HYDIN: variants seen among roughly 807,000 people sequenced by gnomAD.
HYDIN encodes the protein HYDIN axonemal central pair apparatus protein.
Under a neutral mutation model 403.9 loss-of-function variants are expected in HYDIN, and 132 were observed. That is an observed-to-expected ratio of 0.33 (90% confidence interval 0.28 to 0.38). The LOEUF (loss-of-function observed/expected upper bound fraction) is 0.38. Among genes scored for constraint, HYDIN ranks in the 10% least tolerant of loss-of-function variants. The pLI, the probability that HYDIN is intolerant of heterozygous loss-of-function variation, is 1.00. For synonymous variants in HYDIN, 1,202 were observed against 1,891.7 expected, an observed-to-expected ratio of 0.64 and a Z score of 9.46; for missense variants, 2,827 against 5,009.5, an observed-to-expected ratio of 0.56 and a Z score of 13.15.
intron 7 of HYDIN, among the ~76,000 whole-genome samples, chr16:71,139,992 C>CG (rs1447836001): frequency 6.6e-6 from 1 of 151,622 alleles, no homozygotes; most frequent in Non-Finnish European, 1.5e-5. Flanking sequence ...CTGAAAGCAG[C>CG]CTGAGGAAAA....
chr16:70,920,771 G>C lies in HYDIN; in HGVS notation c.7605C>G (p.Arg2535=), dbSNP rs1289023749. The change falls in exon 46 of 86, where the codon CGC becomes CGG. Residue 2535 remains arginine, a synonymous_variant. Transcript: ENST00000393567. ...CCTCCAGGGCTCGCAGCTTCTCCAG[G>C]CGCTCCCGCTCCGCCTTCTCCCTCT... ...RLEREKAERE[R]LEKLRALEER... The C allele has an allele frequency of 1.3e-6, 2 of 1,560,816 alleles. No homozygotes were observed. The highest frequency in any genetic ancestry group is 1.7e-6 in the Non-Finnish European group (2 of 1,151,834).
chr16:70,946,905 G>A (rs1200364987), intron 41 of HYDIN, among the ~76,000 whole-genome samples: 1 of 152,202 alleles, frequency 6.6e-6, no homozygotes, highest in Non-Finnish European at 1.5e-5. Flanking sequence ...CTGAGACTTT[G>A]CTGAAGTTGC....
chr16:70,993,152 C>T (rs905286931), intron 23 of HYDIN, among the ~76,000 whole-genome samples: 1 of 152,156 alleles, frequency 6.6e-6, no homozygotes, highest in African/African-American at 2.4e-5. Context: ...AGCATTTCAT[C>T]TGCACTTCTT....
intron 3 of HYDIN, among the ~76,000 whole-genome samples, chr16:71,180,395 T>C (rs549731929): frequency 4.3e-4 from 65 of 152,066 alleles, no homozygotes; most frequent in African/African-American, 1.5e-3. Context: ...CAGAGAAAAT[T>C]CCAAACCCAG....
chr16:70,811,109 T>C (rs1052635789), intron 84 of HYDIN, among the ~76,000 whole-genome samples: 10 of 152,186 alleles, frequency 6.6e-5, no homozygotes, highest in African/African-American at 2.4e-4. Context: ...TATGAGTAAG[T>C]ATTTAAAAAA....
chr16:71,038,631 A>G (rs2081178663), intron 18 of HYDIN, among the ~76,000 whole-genome samples: 1 of 152,214 alleles, frequency 6.6e-6, no homozygotes, highest in Admixed American at 6.5e-5. Context: ...GAACAAGAAC[A>G]ATGAAGGGTC....
At chr16:70,845,852 AT>A in intron 75 of HYDIN, among the ~76,000 whole-genome samples, 1 of 138,204 alleles carries the variant, frequency 7.2e-6, no homozygotes, top group Non-Finnish European at 1.5e-5. Context: ...GTATTCTCTG[AT>A]GGTAGTTTGT....
chr16:71,067,754 G>A (rs964103460), intron 14 of HYDIN, among the ~76,000 whole-genome samples: 3 of 152,088 alleles, frequency 2.0e-5, no homozygotes, highest in African/African-American at 7.2e-5. Context: ...TATGAATTAT[G>A]AAAATGTAAT....
In HYDIN at chr16:70,809,799, G is replaced by T. The variant is rs1380460185; in HGVS notation, c.14867C>A (p.Thr4956Lys). Residue 4956 changes from threonine to lysine, a missense_variant, in exon 85 of 86, where the codon ACA (threonine) becomes AAA (lysine). Transcript: ENST00000393567. ...VKFINYTRQR[T>K]EYYCRTDCTD... ...GCCACTCACCCTGCAGTAGTATTCT[G>T]TCCTCTGCCGTGTGTAATTGATGAA... 1 of 1,613,676 alleles carries T rather than the reference G, an allele frequency of 6.2e-7. No individual in the cohort carries two copies.
chr16:70,807,899 G>T lies in HYDIN; in HGVS notation c.15047C>A (p.Pro5016His), dbSNP rs1353850215. The change falls in exon 86 of 86, where the codon CCC (proline) becomes CAC (histidine). Residue 5016 changes from proline to histidine, a missense_variant. By Grantham distance (77) the Pro-to-His change is moderately conservative. Coordinates refer to ENST00000393567, the MANE Select transcript of HYDIN (RefSeq NM_001270974.2). ...SSLAGGEYII[P>H]LFGMALPPKP... ...GGGAGGCAGAGCCATTCCAAAGAGG[G>T]GGATGATATACTCTCCACCTGCGAG... The T allele has an allele frequency of 2.5e-6, 4 of 1,613,988 alleles. No homozygotes were observed. The highest frequency in any genetic ancestry group is 1.3e-5 in the African/African-American group (1 of 74,896).
rs113392862 is a variant in HYDIN at position 71,137,106 on chromosome 16, T to TC, written c.1043+44dup. ...TTTTCATAATAACTGAGTTTTACATTCCCCCCCTCCAAATTACTGCATATA... is the reference window on the plus strand; with the variant it reads ...TTTTCATAATAACTGAGTTTTACATTCCCCCCCCTCCAAATTACTGCATATA... On this transcript the variant is annotated intron_variant, in intron 8 of 85. Transcript: ENST00000393567. The TC allele has an allele frequency of 5.6e-4, 450 of 801,816 alleles. 4 individuals are homozygous for TC. The African/African-American group carries it at 6.5e-3, about 12-fold the overall frequency. 49.7% of individuals were successfully genotyped at this position (801,816 alleles called of 1,614,324 possible).
In HYDIN at chr16:70,803,124, TA is replaced by T. The variant is rs2034963268; in HGVS notation, c.*4455del. ...AGAGGTGAACTGAATTTCCCAAGGG[TA>T]ATGATACAGTTTTTAATAATTCAAA... On this transcript the variant is annotated 3_prime_UTR_variant, in exon 86 of 86. Transcript: ENST00000393567. Among the ~76,000 whole-genome samples the T allele has an allele frequency of 6.6e-6, 1 of 152,230 alleles. No individual in the cohort carries two copies. The highest frequency in any genetic ancestry group is 6.5e-5 in the Admixed American group (1 of 15,276).
chr16:71,026,429 C>T (rs2080701993), intron 20 of HYDIN, among the ~76,000 whole-genome samples: 2 of 152,112 alleles, frequency 1.3e-5, no homozygotes, highest in Non-Finnish European at 2.9e-5. Context: ...TTTAGTAAAG[C>T]TTAAGCTGAG....
chr16:71,066,448 A>G (rs1174152475), intron 15 of HYDIN: 1 of 158,120 alleles, frequency 6.3e-6, no homozygotes. Flanking sequence ...TGTCTTCCTA[A>G]GATTCACAAG....
chr16:70,947,963 G>A (rs55661879), intron 41 of HYDIN, among the ~76,000 whole-genome samples: 71,175 of 145,952 alleles, frequency 0.49, 19,623 homozygotes, highest in Non-Finnish European at 0.65. Context: ...CTACTTTAAA[G>A]TTCATATGGA....
At chr16:71,164,816 T>C (rs1367943669) in intron 5 of HYDIN, among the ~76,000 whole-genome samples, 1 of 139,194 alleles carries the variant, frequency 7.2e-6, no homozygotes, top group Non-Finnish European at 1.6e-5. Context: ...GGGAACCTTT[T>C]TCTAGTACCC....
chr16:71,219,897 T>C (rs1430130249), intron 1 of HYDIN, among the ~76,000 whole-genome samples: 2 of 152,158 alleles, frequency 1.3e-5, no homozygotes, highest in Non-Finnish European at 2.9e-5. Context: ...AAGAAATTAT[T>C]TGAAAGAAAA....
At chr16:71,024,385 T>C (rs928990760) in intron 21 of HYDIN, among the ~76,000 whole-genome samples, 1 of 152,102 alleles carries the variant, frequency 6.6e-6, no homozygotes, top group African/African-American at 2.4e-5. Flanking sequence ...TAGTCTCAAC[T>C]TGAGGCACTT....
intron 75 of HYDIN, among the ~76,000 whole-genome samples, chr16:70,841,559 A>T (rs2037822925): frequency 6.6e-6 from 1 of 151,998 alleles, no homozygotes; most frequent in South Asian, 2.1e-4. Flanking sequence ...CTGAAATTTA[A>T]TTGCCATTGT....
Sources: gnomAD v4.1 joint callset for allele counts (sites outside exome capture counted in the v4.1 genomes callset) on GRCh38, gnomAD v4.1.1 for gene constraint, MANE v1.5 for transcripts, NCBI Gene and HGNC (gene_info 2026-07-23, HGNC 2026-07-21) for gene names.